The following ANKS1B variants were observed in gnomAD, a reference collection of about 807,000 sequenced individuals.
ANKS1B encodes the protein ankyrin repeat and sterile alpha motif domain containing 1B, also known as ankyrin repeat and sterile alpha motif domain-containing protein 1B.
In ANKS1B, 36 loss-of-function variants were observed where a neutral mutation model predicts 148.3. The ratio of observed to expected loss-of-function variants is 0.24; its 90% CI spans 0.19 to 0.32. The LOEUF is 0.32. Among genes scored for constraint, ANKS1B ranks in the 10% least tolerant of loss-of-function variants. The pLI, the probability that ANKS1B is intolerant of heterozygous loss-of-function variation, is 1.00. For synonymous variants in ANKS1B, 542 were observed against 560.8 expected (o/e 0.97, Z 0.47); for missense variants, 1,157 against 1,542.6 (o/e 0.75, Z 4.19).
At chr12:98,822,033 C>A (rs1019449796) in intron 19 of ANKS1B, among the ~76,000 whole-genome samples, 1 of 151,442 alleles carries the variant, frequency 6.6e-6, no homozygotes, top group Admixed American at 6.6e-5. Flanking sequence ...GGGAAAAGAG[C>A]CAACACAGAG....
intron 1 of ANKS1B, among the ~76,000 whole-genome samples, chr12:99,962,693 C>T (rs1314303628): frequency 6.6e-6 from 1 of 152,192 alleles, no homozygotes; most frequent in Non-Finnish European, 1.5e-5. Flanking sequence ...TATTTCTCCA[C>T]AGTCTGGCCA....
chr12:99,487,868 C>G (rs972442212), intron 10 of ANKS1B, among the ~76,000 whole-genome samples: 2 of 151,994 alleles, frequency 1.3e-5, no homozygotes, highest in East Asian at 1.9e-4. Flanking sequence ...TTCAATAGTT[C>G]TAATATTATA....
intron 9 of ANKS1B, among the ~76,000 whole-genome samples, chr12:99,521,521 C>T (rs909328015): frequency 6.6e-6 from 1 of 152,078 alleles, no homozygotes; most frequent in Non-Finnish European, 1.5e-5. Context: ...CTTGTTTGTG[C>T]CTGTCCTTCT....
intron 17 of ANKS1B, among the ~76,000 whole-genome samples, chr12:98,911,931 G>C (rs2099787375): frequency 6.6e-6 from 1 of 152,062 alleles, no homozygotes. Flanking sequence ...ACCTTGACTG[G>C]GTGCCTTTGC....
chr12:99,043,342 T>C (rs898908330), intron 17 of ANKS1B, among the ~76,000 whole-genome samples: 1 of 152,218 alleles, frequency 6.6e-6, no homozygotes, highest in Admixed American at 6.5e-5. Flanking sequence ...AGTGTTTGCC[T>C]GAATATCTAC....
At chr12:99,501,591 G>A (rs2096656532) in intron 10 of ANKS1B, among the ~76,000 whole-genome samples, 1 of 152,216 alleles carries the variant, frequency 6.6e-6, no homozygotes, top group South Asian at 2.1e-4. Flanking sequence ...CCTTGGGGTG[G>A]GGAATACAGG....
At chr12:99,825,991 G>A (rs1339070430) in intron 1 of ANKS1B, among the ~76,000 whole-genome samples, 1 of 151,522 alleles carries the variant, frequency 6.6e-6, no homozygotes, top group East Asian at 1.9e-4. Context: ...ATATTCTGGA[G>A]ATAACATGTA....
At chr12:99,248,420 G>A (rs2074146331) in intron 12 of ANKS1B, among the ~76,000 whole-genome samples, 1 of 152,176 alleles carries the variant, frequency 6.6e-6, no homozygotes. Context: ...GTGACAGGAA[G>A]AGAGATCCAA....
intron 17 of ANKS1B, among the ~76,000 whole-genome samples, chr12:98,856,578 A>G (rs1296360446): frequency 6.6e-6 from 1 of 152,204 alleles, no homozygotes; most frequent in East Asian, 1.9e-4. Context: ...TGCAGCCTTA[A>G]TAAGTGTTCC....
At chr12:99,480,416 A>C (rs2096392440) in intron 10 of ANKS1B, among the ~76,000 whole-genome samples, 2 of 151,936 alleles carry the variant, frequency 1.3e-5, no homozygotes, top group Non-Finnish European at 2.9e-5. Context: ...AAGTCAAAAA[A>C]TCTGGATTTT....
At chr12:99,636,246 A>C (rs1055543993) in intron 9 of ANKS1B, among the ~76,000 whole-genome samples, 16 of 152,166 alleles carry the variant, frequency 1.1e-4, no homozygotes, top group Admixed American at 8.5e-4. Flanking sequence ...GCCACCATGA[A>C]CACCAAGTTA....
At chr12:99,302,026 AAC>A (rs566484527) in intron 12 of ANKS1B, among the ~76,000 whole-genome samples, 129 of 152,242 alleles carry the variant, frequency 8.5e-4, no homozygotes, top group African/African-American at 3.0e-3. Context: ...TCTTAGCAGA[AAC>A]ACAGAAAACA....
intron 17 of ANKS1B, among the ~76,000 whole-genome samples, chr12:98,939,063 G>C (rs1274724591): frequency 2.0e-5 from 3 of 152,176 alleles, no homozygotes; most frequent in Admixed American, 2.0e-4. Flanking sequence ...GTTACAGATA[G>C]CTGAGTAAGG....
intron 1 of ANKS1B, among the ~76,000 whole-genome samples, chr12:99,890,443 G>T (rs1270207430): frequency 6.6e-6 from 1 of 152,112 alleles, no homozygotes; most frequent in Non-Finnish European, 1.5e-5. Flanking sequence ...TTTCAGACAG[G>T]ACTGCAACAT....
At chr12:98,945,494 C>CAACA (rs1443177039) in intron 17 of ANKS1B, among the ~76,000 whole-genome samples, 867 of 16,906 alleles carry the variant, frequency 0.051, 55 homozygotes, top group African/African-American at 0.12. Context: ...GACCCTGTCT[C>CAACA]AACAAACAAA....
chr12:99,650,420 A>AT (rs2098411665), intron 9 of ANKS1B, among the ~76,000 whole-genome samples: 1 of 152,204 alleles, frequency 6.6e-6, no homozygotes, highest in Non-Finnish European at 1.5e-5. Flanking sequence ...TATCTGGAAC[A>AT]TAGTAGGCAC....
intron 12 of ANKS1B, among the ~76,000 whole-genome samples, chr12:99,388,259 C>T (rs917689554): frequency 8.5e-5 from 13 of 152,178 alleles, no homozygotes; most frequent in African/African-American, 3.1e-4. Flanking sequence ...TAGTCTCCCA[C>T]CCTCTGTCTT....
intron 1 of ANKS1B, among the ~76,000 whole-genome samples, chr12:99,834,317 T>C (rs970627951): frequency 5.8e-4 from 89 of 152,310 alleles, no homozygotes; most frequent in African/African-American, 2.1e-3. Context: ...AAAAAAGCAA[T>C]TTATAGATCC....
intron 17 of ANKS1B, among the ~76,000 whole-genome samples, chr12:98,863,080 TA>T (rs1228566190): frequency 1.3e-5 from 2 of 152,220 alleles, no homozygotes; most frequent in African/African-American, 4.8e-5. Flanking sequence ...GCCCTTGACT[TA>T]TTTGTGACTG....
Sources: allele counts gnomAD v4.1 joint callset (sites outside exome capture counted in the v4.1 genomes callset), GRCh38; gene constraint gnomAD v4.1.1; transcripts MANE v1.5; gene names NCBI Gene and HGNC (gene_info 2026-07-23, HGNC 2026-07-21).